GRM7: variants seen among roughly 807,000 people sequenced by gnomAD.
GRM7 encodes the protein glutamate metabotropic receptor 7, also known as metabotropic glutamate receptor 7.
A neutral mutation model predicts 84.5 loss-of-function variants in GRM7; 35 were observed. The ratio of observed to expected loss-of-function variants is 0.41; its 90% CI spans 0.32 to 0.55. The LOEUF (loss-of-function observed/expected upper bound fraction) is 0.55. Among genes scored for constraint, GRM7 ranks in the 20% least tolerant of loss-of-function variants. GRM7 has a pLI of 0.19. For synonymous variants in GRM7, 487 were observed against 455.1 expected (o/e 1.07, Z -0.89); for missense variants, 1,003 against 1,194.6 (o/e 0.84, Z 2.36).
At chr3:7,686,421 A>C (rs754728660) in intron 9 of GRM7, 4 of 1,538,938 alleles carry the variant, frequency 2.6e-6, no homozygotes, top group Non-Finnish European at 3.6e-6. Context: ...TCCCACCAAC[A>C]GTATAGCTTT....
chr3:7,416,385 A>G (rs144598743), intron 5 of GRM7, among the ~76,000 whole-genome samples: 46 of 152,252 alleles, frequency 3.0e-4, no homozygotes, highest in African/African-American at 1.1e-3. Context: ...AATGTTTTAT[A>G]TATGATCAAG....
At chr3:7,171,547 T>C (rs1163491721) in intron 2 of GRM7, among the ~76,000 whole-genome samples, 2 of 152,184 alleles carry the variant, frequency 1.3e-5, no homozygotes, top group East Asian at 3.9e-4. Flanking sequence ...ACTTTACTCT[T>C]ATTTGTGCAG....
intron 7 of GRM7, among the ~76,000 whole-genome samples, chr3:7,573,658 C>G (rs1694816779): frequency 6.6e-6 from 1 of 152,126 alleles, no homozygotes; most frequent in Non-Finnish European, 1.5e-5. Flanking sequence ...ATTTTTTCCC[C>G]CAACATGTGT....
intron 8 of GRM7, among the ~76,000 whole-genome samples, chr3:7,647,041 G>C (rs770801079): frequency 6.6e-6 from 1 of 152,080 alleles, no homozygotes; most frequent in Non-Finnish European, 1.5e-5. Context: ...TGTTCCCTTG[G>C]CATTTTATCC....
At position 7,058,194 on chromosome 3, in the gene GRM7, G is replaced by A. The variant is rs191340260; in HGVS notation, c.520-88258G>A. Among the ~76,000 whole-genome samples the A allele has an allele frequency of 2.3e-3, 355 of 151,926 alleles. 2 individuals carry two copies. The highest frequency in any genetic ancestry group is 8.3e-3 in the African/African-American group (344 of 41,506). On this transcript the variant is annotated intron_variant, in intron 1 of 9. Coordinates refer to ENST00000357716, the MANE Select transcript of GRM7 (RefSeq NM_000844.4). ...TTTTCTAGGCTACCTATAGTTCTAG[G>A]AAACTAGCTCCATAAAGTTCTATAA...
chr3:7,387,400 C>G (rs1338904263), intron 4 of GRM7, among the ~76,000 whole-genome samples: 2 of 152,150 alleles, frequency 1.3e-5, no homozygotes, highest in African/African-American at 4.8e-5. Context: ...CTAGGTTACT[C>G]TCTTAGATTT....
intron 6 of GRM7, among the ~76,000 whole-genome samples, chr3:7,458,328 C>A (rs1294539706): frequency 6.6e-6 from 1 of 152,156 alleles, no homozygotes; most frequent in African/African-American, 2.4e-5. Flanking sequence ...TGTGGGGAAT[C>A]ATTTCCCCTT....
intron 8 of GRM7, among the ~76,000 whole-genome samples, chr3:7,642,293 G>C (rs1162604619): frequency 6.6e-6 from 1 of 152,084 alleles, no homozygotes; most frequent in African/African-American, 2.4e-5. Context: ...GAGAGGGGTA[G>C]AGTTTGTATT....
intron 1 of GRM7, among the ~76,000 whole-genome samples, chr3:6,870,207 G>A (rs1695076625): frequency 6.6e-6 from 1 of 152,162 alleles, no homozygotes; most frequent in Admixed American, 6.5e-5. Context: ...AGATGGTCGG[G>A]TTGGTAGTGC....
chr3:7,189,980 C>A (rs1695655249), intron 2 of GRM7, among the ~76,000 whole-genome samples: 1 of 151,932 alleles, frequency 6.6e-6, no homozygotes. Context: ...ACAAACAGAC[C>A]CACACAGAGA....
chr3:7,301,130 G>A (rs1056881443), intron 3 of GRM7, among the ~76,000 whole-genome samples: 13 of 151,192 alleles, frequency 8.6e-5, no homozygotes, highest in Non-Finnish European at 1.8e-4. Context: ...GATTTGTTCT[G>A]ATTACTTCTC....
chr3:7,316,629 A>G (rs1199753125), intron 4 of GRM7, among the ~76,000 whole-genome samples: 2 of 152,206 alleles, frequency 1.3e-5, no homozygotes, highest in African/African-American at 4.8e-5. Flanking sequence ...AATTATGATC[A>G]GCTGAGATGG....
At position 7,118,031 on chromosome 3, in the gene GRM7, A is replaced by T. The variant is rs1325814568; in HGVS notation, c.520-28421A>T. ...CTTAACTATTACTGTGAGTTACAAA[A>T]ATAGAAGGACAATTTCTGTCAAAGG... is the stretch of plus-strand genomic sequence containing the variant. On this transcript the variant is annotated intron_variant, in intron 1 of 9. Coordinates refer to ENST00000357716, the MANE Select transcript of GRM7 (RefSeq NM_000844.4). Among the ~76,000 whole-genome samples, 4 of 152,298 alleles carry T rather than the reference A, an allele frequency of 2.6e-5. 1 individual carries two copies. The highest frequency in any genetic ancestry group is 4.4e-5 in the Non-Finnish European group (3 of 68,018).
At chr3:7,714,510 G>A (rs991452220) in intron 9 of GRM7, among the ~76,000 whole-genome samples, 6 of 152,162 alleles carry the variant, frequency 3.9e-5, no homozygotes, top group African/African-American at 1.4e-4. Context: ...ATTGTCACCA[G>A]GGGCTTGTTA....
intron 1 of GRM7, among the ~76,000 whole-genome samples, chr3:7,007,246 T>G (rs1248063043): frequency 6.6e-6 from 1 of 152,032 alleles, no homozygotes; most frequent in Non-Finnish European, 1.5e-5. Flanking sequence ...ACCCTCTTTC[T>G]CCATCAATCA....
chr3:6,927,843 T>C (rs1017502161), intron 1 of GRM7, among the ~76,000 whole-genome samples: 1 of 152,204 alleles, frequency 6.6e-6, no homozygotes, highest in African/African-American at 2.4e-5. Flanking sequence ...GTCACTTATT[T>C]AAATAATCTC....
chr3:7,303,803 C>G (rs1318542797), intron 3 of GRM7, among the ~76,000 whole-genome samples: 3 of 152,094 alleles, frequency 2.0e-5, no homozygotes, highest in African/African-American at 7.2e-5. Context: ...TAATCTGGAT[C>G]AGTTATTATC....
At chr3:7,568,872 G>GC (rs879773338) in intron 7 of GRM7, among the ~76,000 whole-genome samples, 124 of 152,110 alleles carry the variant, frequency 8.2e-4, no homozygotes, top group African/African-American at 2.4e-3. Flanking sequence ...ATGCCTGAGC[G>GC]CCCCCCCTCC....
chr3:7,454,050 A>G (rs908902964), intron 6 of GRM7, among the ~76,000 whole-genome samples: 1 of 150,430 alleles, frequency 6.6e-6, no homozygotes, highest in African/African-American at 2.4e-5. Flanking sequence ...GGGCTATGGT[A>G]ATTATGAGCC....
Sources: allele counts gnomAD v4.1 joint callset (sites outside exome capture counted in the v4.1 genomes callset), GRCh38; gene constraint gnomAD v4.1.1; transcripts MANE v1.5; gene names NCBI Gene and HGNC (gene_info 2026-07-23, HGNC 2026-07-21).